The following RUVBL1 variants were observed in gnomAD, a reference collection of about 807,000 sequenced individuals.
RUVBL1 encodes the protein ruvB-like 1.
RUVBL1 carries 4 observed loss-of-function variants against 52.4 expected under a neutral mutation model. The observed-to-expected ratio is 0.08, with a 90% CI of 0.04 to 0.17. RUVBL1 has a LOEUF of 0.17. RUVBL1 is among the 10% of genes least tolerant of loss of function. RUVBL1 has a pLI of 1.00. For synonymous variants in RUVBL1, 217 were observed against 214.4 expected, an observed-to-expected ratio of 1.01 and a Z score of -0.10; for missense variants, 298 against 572.8, an observed-to-expected ratio of 0.52 and a Z score of 4.90.
chr3:128,135,298 C>T (rs1050091542), intron 1 of RUVBL1, among the ~76,000 whole-genome samples: 3 of 152,088 alleles, frequency 2.0e-5, no homozygotes, highest in African/African-American at 7.2e-5. Context: ...TTTGGGAGGC[C>T]GAGGCGGGTG....
At chr3:128,095,556 C>T (rs1399227893) in intron 8 of RUVBL1, among the ~76,000 whole-genome samples, 1 of 152,224 alleles carries the variant, frequency 6.6e-6, no homozygotes, top group Non-Finnish European at 1.5e-5. Flanking sequence ...GAGAGCATCA[C>T]GGACGGGGAT....
intron 9 of RUVBL1, chr3:128,075,135 A>G (rs1468655521): frequency 1.3e-5 from 2 of 152,318 alleles, no homozygotes; most frequent in African/African-American, 4.8e-5. Flanking sequence ...GGAAAGAGCA[A>G]GGTCCTATTC....
At chr3:128,153,826 G>T (rs1248199062) in exon 1 of RUVBL1, 5 of 1,507,116 alleles carry the variant, frequency 3.3e-6, no homozygotes, top group Non-Finnish European at 4.4e-6. Flanking sequence ...CATCGGCGGT[G>T]AGCGCGGGCC....
At position 128,068,035 on chromosome 3, in the gene RUVBL1, C is replaced by T; in HGVS notation, c.940-2815G>A. ...ATGGTGATGAGAGGCCACCGAGAGACCTCCATGGTCCATGAACTCAACCGG... is the reference window on the plus strand; with the variant it reads ...ATGGTGATGAGAGGCCACCGAGAGATCTCCATGGTCCATGAACTCAACCGG... On this transcript the variant is annotated intron_variant, in intron 9 of 9. Transcript: ENST00000464873. The T allele has an allele frequency of 1.2e-6, 2 of 1,613,954 alleles. No homozygotes were observed. The highest frequency in any genetic ancestry group is 1.7e-6 in the Non-Finnish European group (2 of 1,179,952).
At chr3:128,098,278 AAAAG>A (rs1424271605) in intron 7 of RUVBL1, among the ~76,000 whole-genome samples, 3 of 152,368 alleles carry the variant, frequency 2.0e-5, no homozygotes, top group Non-Finnish European at 2.9e-5. Flanking sequence ...AAACCGTGTG[AAAAG>A]AAAGAAACTG....
chr3:128,142,415 G>A (rs1384503306), intron 1 of RUVBL1, among the ~76,000 whole-genome samples: 1 of 152,216 alleles, frequency 6.6e-6, no homozygotes, highest in Non-Finnish European at 1.5e-5. Flanking sequence ...GAGCTCTGAT[G>A]AGGTAGGGTG....
chr3:128,109,179 C>T (rs190903927), intron 3 of RUVBL1, among the ~76,000 whole-genome samples: 40 of 152,214 alleles, frequency 2.6e-4, no homozygotes, highest in South Asian at 1.5e-3. Context: ...TCGGTGGTGA[C>T]GGTATAAGCC....
chr3:128,106,748 T>C (rs1173965081), intron 3 of RUVBL1, among the ~76,000 whole-genome samples: 1 of 152,208 alleles, frequency 6.6e-6, no homozygotes, highest in Non-Finnish European at 1.5e-5. Flanking sequence ...TATATGGTAA[T>C]GGCCTGAGAA....
chr3:128,106,033 C>G (rs1448129501), intron 3 of RUVBL1, among the ~76,000 whole-genome samples: 2 of 152,084 alleles, frequency 1.3e-5, no homozygotes, highest in Admixed American at 1.3e-4. Flanking sequence ...CCACATCTGG[C>G]TAATTTTTGG....
chr3:128,107,886 T>C (rs1943283734), intron 3 of RUVBL1, among the ~76,000 whole-genome samples: 1 of 152,218 alleles, frequency 6.6e-6, no homozygotes, highest in Non-Finnish European at 1.5e-5. Context: ...CTTACTTATA[T>C]TTACTGCTAG....
At chr3:128,078,167 T>C (rs755451128), downstream of RUVBL1, among the ~76,000 whole-genome samples, 28 of 152,214 alleles carry the variant, frequency 1.8e-4, 1 homozygote, top group Admixed American at 7.2e-4. Context: ...TTCTGAGGGA[T>C]AGAGGTCGAC....
chr3:128,069,280 C>T (rs1311622493), intron 9 of RUVBL1, among the ~76,000 whole-genome samples: 1 of 152,240 alleles, frequency 6.6e-6, no homozygotes, highest in African/African-American at 2.4e-5. Flanking sequence ...CCCCTGGCCA[C>T]GTGTGGCCAG....
chr3:128,115,950 A>G (rs1318579439), intron 2 of RUVBL1, among the ~76,000 whole-genome samples: 1 of 151,846 alleles, frequency 6.6e-6, no homozygotes, highest in Non-Finnish European at 1.5e-5. Flanking sequence ...AAATGGCGAT[A>G]CCCCATCTCT....
intron 8 of RUVBL1, among the ~76,000 whole-genome samples, chr3:128,096,340 G>A (rs1189460408): frequency 6.6e-6 from 1 of 152,238 alleles, no homozygotes; most frequent in Non-Finnish European, 1.5e-5. Flanking sequence ...CGTGGAGAGT[G>A]CTTAGGAGAA....
chr3:128,152,160 G>A (rs1405054497), intron 1 of RUVBL1, among the ~76,000 whole-genome samples: 2 of 152,196 alleles, frequency 1.3e-5, no homozygotes, highest in African/African-American at 2.4e-5. Context: ...TCTGGTTGGT[G>A]ACTATGGCTG....
intron 2 of RUVBL1, among the ~76,000 whole-genome samples, chr3:128,114,276 T>A (rs1303930453): frequency 6.6e-6 from 1 of 152,220 alleles, no homozygotes; most frequent in East Asian, 1.9e-4. Flanking sequence ...AAAGTGAAAC[T>A]GAGACGGTGT....
At chr3:128,085,322 T>C (rs571621390) in intron 9 of RUVBL1, among the ~76,000 whole-genome samples, 1 of 152,316 alleles carries the variant, frequency 6.6e-6, no homozygotes, top group East Asian at 1.9e-4. Context: ...AGTAGGCAAA[T>C]GGTGTCTCTG....
chr3:128,101,496 T>G, intron 5 of RUVBL1, 63 bp downstream of exon 5: 1 of 1,485,950 alleles, frequency 6.7e-7, no homozygotes, highest in Non-Finnish European at 9.4e-7. Flanking sequence ...AACTCCCTTG[T>G]CACTTAGGTC....
chr3:128,099,256 C>A (rs973613986), intron 6 of RUVBL1, among the ~76,000 whole-genome samples: 2 of 152,178 alleles, frequency 1.3e-5, no homozygotes, highest in Non-Finnish European at 2.9e-5. Flanking sequence ...CTGGACACCC[C>A]CAAGCTTTTT....
Sources: allele counts gnomAD v4.1 joint callset (sites outside exome capture counted in the v4.1 genomes callset), GRCh38; gene constraint gnomAD v4.1.1; transcripts MANE v1.5; gene names NCBI Gene and HGNC (gene_info 2026-07-23, HGNC 2026-07-21).